The following MCC variants were observed in gnomAD, a reference collection of about 807,000 sequenced individuals.
The protein encoded by MCC is colorectal mutant cancer protein.
A neutral mutation model predicts 116.2 loss-of-function variants in MCC; 90 were observed. The ratio of observed to expected loss-of-function variants is 0.77; its 90% confidence interval spans 0.65 to 0.92. MCC has a LOEUF of 0.92. MCC is among the 40% of genes least tolerant of loss of function. The probability of loss-of-function intolerance (pLI) is 0.00; values close to 1 mark genes in which losing one functional copy is unlikely to be tolerated. For synonymous variants in MCC, 578 were observed against 510.5 expected, an observed-to-expected ratio of 1.13 and a Z score of -1.78; for missense variants, 1,516 against 1,312.2, an observed-to-expected ratio of 1.16 and a Z score of -2.40.
chr5:113,190,278 C>G (rs1762089117), intron 3 of MCC, among the ~76,000 whole-genome samples: 1 of 152,152 alleles, frequency 6.6e-6, no homozygotes, highest in Admixed American at 6.6e-5. Flanking sequence ...TAACAAGCCA[C>G]TTGATCTATT....
rs374153406 is a variant in MCC, at chr5:113,385,702, T to C, written c.171-490A>G. Among the ~76,000 whole-genome samples the C allele has an allele frequency of 1.5e-3, 227 of 152,350 alleles. 1 individual carries two copies. The highest frequency in any genetic ancestry group is 5.2e-3 in the African/African-American group (217 of 41,578). On this transcript the variant is annotated intron_variant, in intron 1 of 18. Transcript: ENST00000408903. ...ACCAATCAGCTAACTTTAGTACTTG[T>C]TTAAAACATCATTTAATCTTGACTT... is the stretch of plus-strand genomic sequence containing the variant.
In MCC at chr5:113,434,230, C is replaced by A. The variant is rs1193489777; in HGVS notation, c.171-49018G>T. 1 of 1,613,956 alleles carries A rather than the reference C, an allele frequency of 6.2e-7. No individual in the cohort carries two copies. The highest frequency in any genetic ancestry group is 1.3e-5 in the African/African-American group (1 of 74,912). On this transcript the variant is annotated intron_variant, in intron 1 of 18. Coordinates refer to ENST00000408903, the MANE Select transcript of MCC (RefSeq NM_001085377.2). This position sits in a 1 kb window ranked among gnomAD's most constrained non-coding sequence, Gnocchi z 4.2. The stretch of plus-strand genomic sequence containing the variant: ...CCGCAGACCATGATGTAGAGGATCA[C>A]GCCTAGGCTCCAGATGTCGTACACC...
intron 5 of MCC, among the ~76,000 whole-genome samples, chr5:113,124,381 G>A (rs1757918112): frequency 2.0e-5 from 3 of 152,158 alleles, no homozygotes; most frequent in Admixed American, 1.3e-4. Context: ...TTTAGTTAAG[G>A]GAGATTTTGT....
chr5:113,262,762 C>A (rs1285085594), intron 3 of MCC, among the ~76,000 whole-genome samples: 1 of 152,134 alleles, frequency 6.6e-6, no homozygotes, highest in East Asian at 1.9e-4. Flanking sequence ...AAAGGAAATT[C>A]CTGGGCCCTG....
At chr5:113,402,745 G>T (rs1561553613) in intron 1 of MCC, among the ~76,000 whole-genome samples, 1 of 152,124 alleles carries the variant, frequency 6.6e-6, no homozygotes, top group Non-Finnish European at 1.5e-5. Context: ...GAAAGGAGAA[G>T]GAGGAGATTT....
At position 113,026,278 on chromosome 5, in the gene MCC, AG is replaced by A. The variant is rs1750542743; in HGVS notation, c.*1023del. 6.6e-6 allele frequency: 1 copy of A among 152,258 alleles called. No homozygotes were observed. The highest frequency in any genetic ancestry group is 2.1e-4 in the South Asian group (1 of 4,830). The allele number at this position is 152,258 out of a possible 1,614,324, so 9.4% of individuals were successfully genotyped here. Reference sequence around the variant, plus strand: ...CTAAGTCTTGAACTGGGGGTTACACAGCACTCTTAAGTAGGCGTGATAAGTT... The same window carrying A: ...CTAAGTCTTGAACTGGGGGTTACACACACTCTTAAGTAGGCGTGATAAGTT... On this transcript the variant is annotated 3_prime_UTR_variant, in exon 19 of 19. Transcript: ENST00000408903.
chr5:113,179,999 T>G (rs1246405229), intron 3 of MCC, among the ~76,000 whole-genome samples: 1 of 152,194 alleles, frequency 6.6e-6, no homozygotes, highest in Admixed American at 6.5e-5. Context: ...TCAGACGATG[T>G]GCTAAATATG....
At chr5:113,313,175 T>C (rs1350132289) in intron 3 of MCC, among the ~76,000 whole-genome samples, 2 of 151,954 alleles carry the variant, frequency 1.3e-5, no homozygotes, top group East Asian at 3.8e-4. Context: ...TGAAACCCCG[T>C]CTCTACTAAA....
intron 3 of MCC, among the ~76,000 whole-genome samples, chr5:113,283,956 A>C (rs1299802809): frequency 6.6e-6 from 1 of 152,216 alleles, no homozygotes; most frequent in Non-Finnish European, 1.5e-5. Context: ...ATGATGATCC[A>C]CTGCATGAAT....
chr5:113,047,703 A>G (rs1180198727), intron 16 of MCC, among the ~76,000 whole-genome samples: 1 of 152,194 alleles, frequency 6.6e-6, no homozygotes, highest in Admixed American at 6.5e-5. Flanking sequence ...AAGAACAGAA[A>G]AATATGATGC....
Position 113,468,499 on chromosome 5 carries a change from T to C in MCC, c.170+19746A>G, listed in dbSNP as rs978984800. ...TGGATTACATTTATTGATTTGCGTA[T>C]GTTGAACCAGCCTTGCATCCCAGGG... On this transcript the variant is annotated intron_variant, in intron 1 of 18. Transcript: ENST00000408903. Among the ~76,000 whole-genome samples the C allele has an allele frequency of 9.2e-5, 14 of 152,356 alleles. No individual in the cohort carries two copies. In the South Asian group the frequency reaches 1.4e-3, roughly 16 times the overall value.
At chr5:113,145,289 A>G (rs1327172052) in intron 4 of MCC, among the ~76,000 whole-genome samples, 1 of 152,098 alleles carries the variant, frequency 6.6e-6, no homozygotes, top group African/African-American at 2.4e-5. Context: ...TCTTAGTGTG[A>G]CTGTAGGATA....
At chr5:113,150,532 A>C (rs1425233052) in intron 4 of MCC, among the ~76,000 whole-genome samples, 1 of 152,188 alleles carries the variant, frequency 6.6e-6, no homozygotes, top group East Asian at 1.9e-4. Context: ...AGAAGTGAGA[A>C]GAGTTAGAAA....
At chr5:113,148,709 A>G (rs1423982482) in intron 4 of MCC, among the ~76,000 whole-genome samples, 1 of 152,222 alleles carries the variant, frequency 6.6e-6, no homozygotes, top group Non-Finnish European at 1.5e-5. Context: ...TCATGTTTTT[A>G]AAGATATAAG....
intron 1 of MCC, among the ~76,000 whole-genome samples, chr5:113,405,600 G>A (rs950726390): frequency 2.0e-5 from 3 of 151,950 alleles, no homozygotes; most frequent in African/African-American, 7.3e-5. Flanking sequence ...ACTAGCCTGG[G>A]CAACATAGGG....
intron 1 of MCC, among the ~76,000 whole-genome samples, chr5:113,483,762 G>A (rs528544761): frequency 6.6e-6 from 1 of 152,160 alleles, no homozygotes; most frequent in South Asian, 2.1e-4. Context: ...CTGCAGCACT[G>A]TTCACAATAG....
intron 3 of MCC, among the ~76,000 whole-genome samples, chr5:113,288,870 G>A (rs1313613923): frequency 6.6e-6 from 1 of 152,092 alleles, no homozygotes; most frequent in African/African-American, 2.4e-5. Context: ...TTCTAAACCT[G>A]TAACATGGGA....
intron 8 of MCC, among the ~76,000 whole-genome samples, chr5:113,086,853 A>G (rs1755232014): frequency 6.6e-6 from 1 of 152,250 alleles, no homozygotes; most frequent in Non-Finnish European, 1.5e-5. Context: ...AATCCCCCAG[A>G]GGGCTTGCTA....
intron 1 of MCC, among the ~76,000 whole-genome samples, chr5:113,483,722 A>G (rs945043142): frequency 3.3e-5 from 5 of 152,204 alleles, no homozygotes; most frequent in African/African-American, 1.2e-4. Context: ...AAATCGTTGT[A>G]TTATAAAGAC....
Sources: allele counts gnomAD v4.1 joint callset (sites outside exome capture counted in the v4.1 genomes callset), GRCh38; gene constraint gnomAD v4.1.1; non-coding constraint Gnocchi (gnomAD v3.1); transcripts MANE v1.5; gene names NCBI Gene and HGNC (gene_info 2026-07-23, HGNC 2026-07-21).